DNAH7: variants seen among roughly 807,000 people sequenced by gnomAD.
DNAH7 encodes dynein axonemal heavy chain 7, also known as axonemal beta dynein heavy chain 7.
A neutral mutation model predicts 444.6 loss-of-function variants in DNAH7; 397 were observed. That is an observed-to-expected ratio of 0.89 (90% confidence interval 0.82 to 0.97). The LOEUF (loss-of-function observed/expected upper bound fraction) is 0.97, where lower values mean the gene tolerates loss of function less well. Ranked by LOEUF, DNAH7 falls within the 50% of genes least tolerant of loss-of-function variation. The probability of loss-of-function intolerance (pLI) is 0.00; values close to 1 mark genes in which losing one functional copy is unlikely to be tolerated. For synonymous variants in DNAH7, 1,636 were observed against 1,624.4 expected (o/e 1.01, Z -0.17); for missense variants, 4,902 against 4,800.8 (o/e 1.02, Z -0.62).
chr2:195,906,659 C>T lies in DNAH7; in HGVS notation c.4335G>A (p.Lys1445=). ...GATTATATAATAACTCCTTCCATACCTTCAGGTTATCTGGCAGTTCTGATC... is the reference window on the plus strand; with the variant it reads ...GATTATATAATAACTCCTTCCATACTTTCAGGTTATCTGGCAGTTCTGATC... ...AGRSELPDNL[K]ALFRTVAMMV... is the part of the protein sequence containing the mutation. The change falls in exon 27 of 65, where the codon AAG becomes AAA. Residue 1445 remains lysine (K), a splice_region_variant and synonymous_variant. Coordinates refer to ENST00000312428, the MANE Select transcript of DNAH7 (RefSeq NM_018897.3). 6.2e-7 allele frequency: 1 copy of T among 1,610,628 alleles called. No homozygotes were observed. Among genetic ancestry groups the T allele is most frequent in the Non-Finnish European group, 8.5e-7 (1 of 1,178,464 alleles).
intron 22 of DNAH7, 44 bp from the exon 23 acceptor site, chr2:195,923,851 A>G: frequency 6.4e-7 from 1 of 1,554,888 alleles, no homozygotes; most frequent in East Asian, 2.3e-5. Flanking sequence ...ATGTGATCAA[A>G]ATTATTTTGA....
At position 195,864,138 on chromosome 2, in the gene DNAH7, C is replaced by CA. The variant is rs1700180549; in HGVS notation, c.7506+10dup. On this transcript the variant is annotated intron_variant, in intron 41 of 64. Coordinates refer to ENST00000312428, the MANE Select transcript of DNAH7 (RefSeq NM_018897.3). ...TTTCTAGAAGTCTATCTAAAATGTA[C>CA]ATGACAATACCTGAAACCAGTCAAT... The CA allele has an allele frequency of 6.2e-7, 1 of 1,607,290 alleles. No individual in the cohort carries two copies. Among genetic ancestry groups the CA allele is most frequent in the Non-Finnish European group, 8.5e-7 (1 of 1,174,716 alleles).
intron 12 of DNAH7, chr2:195,999,038 C>T: frequency 1.4e-6 from 1 of 705,520 alleles, no homozygotes; most frequent in Non-Finnish European, 2.6e-6. Context: ...AAGGTGGATG[C>T]ATGGGAGGGG....
intron 54 of DNAH7, among the ~76,000 whole-genome samples, chr2:195,801,387 G>T (rs931234199): frequency 6.6e-6 from 1 of 151,868 alleles, no homozygotes; most frequent in African/African-American, 2.4e-5. Flanking sequence ...CCCCTTCACA[G>T]AATATTGTGA....
chr2:195,783,366 A>C (rs770262577), intron 58 of DNAH7, among the ~76,000 whole-genome samples: 1 of 152,150 alleles, frequency 6.6e-6, no homozygotes, highest in Non-Finnish European at 1.5e-5. Flanking sequence ...CTGGAGCCTA[A>C]AAGTCTGAAA....
intron 2 of DNAH7, among the ~76,000 whole-genome samples, chr2:196,054,626 T>C (rs997177903): frequency 2.0e-5 from 3 of 152,194 alleles, no homozygotes; most frequent in African/African-American, 7.2e-5. Flanking sequence ...ATCAGTCTTA[T>C]AGAGATGAGT....
intron 43 of DNAH7, among the ~76,000 whole-genome samples, chr2:195,858,021 AAATT>A (rs1292143764): frequency 2.6e-5 from 4 of 152,224 alleles, no homozygotes; most frequent in African/African-American, 9.6e-5. Flanking sequence ...ATTGTAAAAT[AAATT>A]ATTATAAAAC....
At chr2:196,024,590 G>A (rs932273363) in intron 7 of DNAH7, 86 bp from the exon 8 acceptor site, 12 of 695,790 alleles carry the variant, frequency 1.7e-5, no homozygotes, top group East Asian at 3.2e-5. Flanking sequence ...GTTCTACTAA[G>A]ATTAACTGTT....
At chr2:195,802,322 C>T (rs1450468580) in intron 54 of DNAH7, among the ~76,000 whole-genome samples, 1 of 152,116 alleles carries the variant, frequency 6.6e-6, no homozygotes, top group African/African-American at 2.4e-5. Flanking sequence ...ACCAGCCTGG[C>T]CAACATGGTG....
intron 12 of DNAH7, among the ~76,000 whole-genome samples, chr2:195,999,591 G>A (rs1693913394): frequency 6.6e-6 from 1 of 151,796 alleles, no homozygotes; most frequent in Non-Finnish European, 1.5e-5. Flanking sequence ...GATATTGGTA[G>A]TATCGCATAC....
intron 3 of DNAH7, among the ~76,000 whole-genome samples, chr2:196,049,430 A>G (rs1469304900): frequency 2.0e-5 from 3 of 152,230 alleles, no homozygotes; most frequent in Non-Finnish European, 4.4e-5. Flanking sequence ...GAATCAGGTC[A>G]CAGAGGCTGG....
intron 37 of DNAH7, 72 bp from the exon 38 acceptor site, chr2:195,875,915 T>C: frequency 8.0e-6 from 11 of 1,366,988 alleles, no homozygotes; most frequent in South Asian, 6.5e-5. Context: ...GTAAACAATA[T>C]TGAGGCAAAT....
At chr2:196,052,559 C>T (rs957174959) in intron 2 of DNAH7, among the ~76,000 whole-genome samples, 4 of 152,188 alleles carry the variant, frequency 2.6e-5, no homozygotes, top group African/African-American at 9.7e-5. Flanking sequence ...TGAATTAACA[C>T]CTTTAATATT....
At chr2:195,976,747 CAGAGAGAGAGAGAGAGAG>C (rs60653466) in intron 15 of DNAH7, among the ~76,000 whole-genome samples, 1 of 90,542 alleles carries the variant, frequency 1.1e-5, no homozygotes, top group African/African-American at 3.6e-5. Flanking sequence ...GAGAGGCAGA[CAGAGAGAGAGAGAGAGAG>C]AGAGAGAGAG....
chr2:195,748,971 C>T (rs1693612014), intron 63 of DNAH7, among the ~76,000 whole-genome samples: 1 of 152,062 alleles, frequency 6.6e-6, no homozygotes, highest in Non-Finnish European at 1.5e-5. Flanking sequence ...GCAACAAAGC[C>T]AAAATTGACA....
chr2:195,869,022 G>T (rs866370791), intron 40 of DNAH7, among the ~76,000 whole-genome samples: 6 of 152,026 alleles, frequency 3.9e-5, no homozygotes, highest in Non-Finnish European at 5.9e-5. Context: ...CTTTTCCTTA[G>T]TTCAGCTAAA....
At chr2:196,031,060 T>A (rs1002052143) in intron 5 of DNAH7, among the ~76,000 whole-genome samples, 1 of 152,258 alleles carries the variant, frequency 6.6e-6, no homozygotes, top group Non-Finnish European at 1.5e-5. Context: ...ATGAGGGCCC[T>A]GCCCTTGCAG....
chr2:195,745,531 G>A (rs1335871044), intron 63 of DNAH7, among the ~76,000 whole-genome samples: 1 of 152,106 alleles, frequency 6.6e-6, no homozygotes, highest in Non-Finnish European at 1.5e-5. Context: ...CTCGAGAAGA[G>A]CAACTCCAAG....
chr2:195,856,840 A>G (rs921041922), intron 44 of DNAH7, among the ~76,000 whole-genome samples: 3 of 152,100 alleles, frequency 2.0e-5, no homozygotes, highest in African/African-American at 4.8e-5. Flanking sequence ...TTTTTTTAAT[A>G]TACTTTAATT....
Sources: allele counts gnomAD v4.1 joint callset (sites outside exome capture counted in the v4.1 genomes callset), GRCh38; gene constraint gnomAD v4.1.1; transcripts MANE v1.5; gene names NCBI Gene and HGNC (gene_info 2026-07-23, HGNC 2026-07-21).